The following ELP4 variants were observed in gnomAD, a reference collection of about 807,000 sequenced individuals.
ELP4 encodes elongator acetyltransferase complex subunit 4.
A neutral mutation model predicts 48.9 loss-of-function variants in ELP4; 51 were observed. The ratio of observed to expected loss-of-function variants is 1.04; its 90% CI spans 0.83 to 1.32. The LOEUF (loss-of-function observed/expected upper bound fraction) is 1.32. Among genes scored for constraint, ELP4 ranks in the 40% most tolerant of loss-of-function variants. The probability of loss-of-function intolerance (pLI) is 0.00; values close to 1 mark genes in which losing one functional copy is unlikely to be tolerated. For missense variants in ELP4, 519 were observed against 514.6 expected (o/e 1.01, Z -0.08); for synonymous variants, 210 against 189.2 (o/e 1.11, Z -0.90).
At chr11:31,529,712 A>G (rs1442748156) in intron 2 of ELP4, among the ~76,000 whole-genome samples, 1 of 152,224 alleles carries the variant, frequency 6.6e-6, no homozygotes, top group Non-Finnish European at 1.5e-5. Flanking sequence ...GGGGCCTGCT[A>G]GAATAGATTG....
intron 9 of ELP4, among the ~76,000 whole-genome samples, chr11:31,674,972 G>T (rs556209772): frequency 3.3e-5 from 5 of 152,100 alleles, no homozygotes; most frequent in African/African-American, 1.2e-4. Flanking sequence ...TGTAAAGTGT[G>T]CGCATGTTTG....
At chr11:31,709,174 A>G (rs1036688194) in intron 9 of ELP4, among the ~76,000 whole-genome samples, 4 of 152,180 alleles carry the variant, frequency 2.6e-5, no homozygotes, top group African/African-American at 7.2e-5. Flanking sequence ...AATTGCTGGT[A>G]TGAGGTTTAC....
intron 6 of ELP4, among the ~76,000 whole-genome samples, chr11:31,629,318 A>G (rs116331864): frequency 6.6e-6 from 1 of 151,982 alleles, no homozygotes; most frequent in Non-Finnish European, 1.5e-5. Context: ...CTTATGCCAC[A>G]CAGTATGCCC....
intron 9 of ELP4, among the ~76,000 whole-genome samples, chr11:31,749,236 C>A (rs1947665346): frequency 6.6e-6 from 1 of 152,166 alleles, no homozygotes; most frequent in African/African-American, 2.4e-5. Context: ...AGGACATATT[C>A]ATGGAGGCAG....
chr11:31,566,656 C>A (rs974484818), intron 3 of ELP4, among the ~76,000 whole-genome samples: 10 of 152,160 alleles, frequency 6.6e-5, no homozygotes, highest in Non-Finnish European at 1.3e-4. Flanking sequence ...GCATTTGCAT[C>A]TGCTTACAAA....
intron 9 of ELP4, among the ~76,000 whole-genome samples, chr11:31,666,014 T>C (rs1424577568): frequency 7.1e-6 from 1 of 141,418 alleles, no homozygotes; most frequent in Non-Finnish European, 1.5e-5. Context: ...CTTTTTTTTT[T>C]TTTTTTTTTT....
At position 31,603,831 on chromosome 11, in the gene ELP4, G is replaced by T. The variant is rs750646020; in HGVS notation, c.577G>T (p.Glu193Ter). ...YYDASKRMPQ[E>*]LIEASNWHGF... Reference sequence around the variant, plus strand: ...TGATGCATCAAAAAGAATGCCACAAGAACTAATTGAGGCTTCAAATTGGCA... The same window carrying T: ...TGATGCATCAAAAAGAATGCCACAATAACTAATTGAGGCTTCAAATTGGCA... Residue 193 changes from glutamate to a stop codon, truncating the protein, a stop_gained, in exon 5 of 10, where the codon GAA (glutamate) becomes TAA (stop). Coordinates refer to ENST00000640961, the MANE Select transcript of ELP4 (RefSeq NM_019040.5). LOFTEE classifies it high-confidence loss of function. The T allele has an allele frequency of 2.7e-5, 44 of 1,611,220 alleles. No homozygotes were observed. Among genetic ancestry groups the T allele is most frequent in the Non-Finnish European group, 3.7e-5 (43 of 1,178,050 alleles).
At chr11:31,765,118 C>A (rs535777646) in intron 9 of ELP4, among the ~76,000 whole-genome samples, 1 of 152,210 alleles carries the variant, frequency 6.6e-6, no homozygotes, top group African/African-American at 2.4e-5. Flanking sequence ...AGTTTCCCAG[C>A]AAAATCTGTT....
chr11:31,592,521 ATATG>A (rs1164563602), intron 3 of ELP4, among the ~76,000 whole-genome samples: 3 of 148,990 alleles, frequency 2.0e-5, no homozygotes, highest in African/African-American at 4.9e-5. Context: ...TATAATATAT[ATATG>A]TATGTATATA....
At chr11:31,670,569 G>C (rs556920856) in intron 9 of ELP4, among the ~76,000 whole-genome samples, 22 of 152,058 alleles carry the variant, frequency 1.4e-4, no homozygotes, top group Admixed American at 8.5e-4. Context: ...CCTTCTTTCT[G>C]TAAGAGTAAT....
intron 9 of ELP4, among the ~76,000 whole-genome samples, chr11:31,769,935 G>A (rs1348860117): frequency 2.8e-4 from 43 of 152,208 alleles, no homozygotes; most frequent in Admixed American, 2.7e-3. Context: ...CTGAGGGGTA[G>A]TACCCAAAAT....
chr11:31,735,928 C>T (rs1947304815), intron 9 of ELP4, among the ~76,000 whole-genome samples: 1 of 152,100 alleles, frequency 6.6e-6, no homozygotes, highest in Non-Finnish European at 1.5e-5. Flanking sequence ...TCAATGCCAT[C>T]CCCATCAAGC....
intron 7 of ELP4, among the ~76,000 whole-genome samples, chr11:31,639,251 C>T (rs903425032): frequency 2.0e-5 from 3 of 151,688 alleles, no homozygotes; most frequent in Non-Finnish European, 2.9e-5. Context: ...AAGAAATTTA[C>T]GTATTTAAGA....
rs149967290 is a variant in ELP4, at chr11:31,693,944, G to T, written c.1143+43723G>T. Among the ~76,000 whole-genome samples, 1,031 of 152,216 alleles carry T rather than the reference G, an allele frequency of 6.8e-3. 8 individuals are homozygous for T. The highest frequency in any genetic ancestry group is 0.034 in the Middle Eastern group (10 of 294). ...TGAGCATTTTCTCATGTGTCTTTTG[G>T]CTGCATAAGTGTCTTCTTTTGAGAA... is the stretch of plus-strand genomic sequence containing the variant. On this transcript the variant is annotated intron_variant, in intron 9 of 9. Transcript: ENST00000640961.
intron 7 of ELP4, among the ~76,000 whole-genome samples, chr11:31,644,307 C>T (rs564128483): frequency 5.3e-5 from 8 of 151,794 alleles, no homozygotes; most frequent in South Asian, 2.1e-4. Context: ...GTACTGGAAA[C>T]GATATTGTAA....
At chr11:31,623,898 A>G (rs1206724873) in intron 5 of ELP4, among the ~76,000 whole-genome samples, 1 of 151,790 alleles carries the variant, frequency 6.6e-6, no homozygotes, top group African/African-American at 2.4e-5. Flanking sequence ...AAAATTGGAT[A>G]AGGACCAAAA....
chr11:31,575,549 G>A (rs1195385360), intron 3 of ELP4, among the ~76,000 whole-genome samples: 5 of 152,204 alleles, frequency 3.3e-5, no homozygotes, highest in Non-Finnish European at 7.3e-5. Context: ...AGAAAGGTCG[G>A]GTTACCCACA....
intron 5 of ELP4, among the ~76,000 whole-genome samples, chr11:31,626,235 G>T (rs904628457): frequency 6.6e-6 from 1 of 151,680 alleles, no homozygotes; most frequent in African/African-American, 2.4e-5. Flanking sequence ...TATTTCTTCT[G>T]CCTATGTGAT....
intron 3 of ELP4, among the ~76,000 whole-genome samples, chr11:31,560,967 G>A (rs1020036809): frequency 1.6e-4 from 25 of 151,914 alleles, no homozygotes; most frequent in Admixed American, 3.3e-4. Context: ...ATATAGCCTA[G>A]GTATGTAGTA....
Sources: allele counts gnomAD v4.1 joint callset (sites outside exome capture counted in the v4.1 genomes callset), GRCh38; gene constraint gnomAD v4.1.1; transcripts MANE v1.5; gene names NCBI Gene and HGNC (gene_info 2026-07-23, HGNC 2026-07-21).